The following THSD7B variants were observed in gnomAD, a reference collection of about 807,000 sequenced individuals.
The protein encoded by THSD7B is thrombospondin type 1 domain containing 7B, also known as thrombospondin type-1 domain-containing protein 7B.
In THSD7B, 138 loss-of-function variants were observed where a neutral mutation model predicts 213.6. The observed-to-expected ratio is 0.65, with a 90% CI of 0.56 to 0.74. The LOEUF (loss-of-function observed/expected upper bound fraction) is 0.74. THSD7B is among the 30% of genes least tolerant of loss of function. The pLI is 0.00. For missense variants in THSD7B, 1,931 were observed against 1,991.5 expected, an observed-to-expected ratio of 0.97 and a Z score of 0.58; for synonymous variants, 742 against 687.0, an observed-to-expected ratio of 1.08 and a Z score of -1.25.
At chr2:137,417,122 T>G (rs1254173594) in intron 14 of THSD7B, among the ~76,000 whole-genome samples, 1 of 152,198 alleles carries the variant, frequency 6.6e-6, no homozygotes, top group East Asian at 1.9e-4. Flanking sequence ...TAGGTATAGA[T>G]AGAACACAAA....
intron 15 of THSD7B, among the ~76,000 whole-genome samples, chr2:137,459,575 G>T (rs1052460061): frequency 2.0e-5 from 3 of 151,976 alleles, no homozygotes; most frequent in Non-Finnish European, 4.4e-5. Context: ...TGAGGCAGGA[G>T]AATTGCTTGA....
chr2:137,187,735 G>T (rs1486540103), intron 7 of THSD7B, among the ~76,000 whole-genome samples: 3 of 152,086 alleles, frequency 2.0e-5, no homozygotes, highest in Non-Finnish European at 4.4e-5. Context: ...CATTATCTTT[G>T]GTGGTTAGAT....
rs369261629 is a variant in THSD7B, at chr2:137,130,624, T to C, written c.1369+15331T>C. Among the ~76,000 whole-genome samples, 9 of 149,854 alleles carry C rather than the reference T, an allele frequency of 6.0e-5. No individual in the cohort carries two copies. In the East Asian group the frequency reaches 6.0e-4, roughly 10 times the overall value. On this transcript the variant is annotated intron_variant, in intron 5 of 27. Transcript: ENST00000409968. ...ATTCCCACCTGTGAGTGAGAACATG[T>C]GGTGTTTGGTTTTTTGTCCTTGAGA...
chr2:136,921,053 G>A (rs1399396338), intron 2 of THSD7B, among the ~76,000 whole-genome samples: 1 of 151,982 alleles, frequency 6.6e-6, no homozygotes, highest in African/African-American at 2.4e-5. Context: ...ACCCGGGAGT[G>A]CGGCCTTCTG....
intron 17 of THSD7B, among the ~76,000 whole-genome samples, chr2:137,574,257 G>A (rs1681415053): frequency 6.6e-6 from 1 of 151,990 alleles, no homozygotes; most frequent in Admixed American, 6.6e-5. Context: ...TTCTGTGTTT[G>A]CTTCTTTTGG....
rs556918881 is a variant in THSD7B, at chr2:137,646,835, C to T, written c.3945+4202C>T. 2.6e-5 allele frequency among the ~76,000 whole-genome samples: 4 copies of T among 152,028 alleles called. No homozygotes were observed. The East Asian group carries it at 7.7e-4, about 29-fold the overall frequency. On this transcript the variant is annotated intron_variant, in intron 21 of 27. Transcript: ENST00000409968. ...ATCTTAGATAAATAAATCATAATTC[C>T]TCTGAACACTTCTTTAAAAGAGGGT...
chr2:136,927,851 C>T (rs963017840), intron 2 of THSD7B, among the ~76,000 whole-genome samples: 9 of 152,182 alleles, frequency 5.9e-5, no homozygotes, highest in African/African-American at 9.7e-5. Context: ...GTTGTTTCTG[C>T]TTCCTAACGG....
intron 15 of THSD7B, among the ~76,000 whole-genome samples, chr2:137,475,563 T>G (rs1287227672): frequency 6.6e-6 from 1 of 152,208 alleles, no homozygotes; most frequent in Non-Finnish European, 1.5e-5. Flanking sequence ...ATCCCACATA[T>G]GAGTAAGAAC....
intron 15 of THSD7B, among the ~76,000 whole-genome samples, chr2:137,537,379 C>A (rs1383288718): frequency 6.6e-6 from 1 of 151,638 alleles, no homozygotes; most frequent in Non-Finnish European, 1.5e-5. Context: ...ACGTATTCTT[C>A]TTTTAATTAG....
At chr2:136,979,496 AT>A (rs1685539595) in intron 2 of THSD7B, among the ~76,000 whole-genome samples, 1 of 151,486 alleles carries the variant, frequency 6.6e-6, no homozygotes, top group Non-Finnish European at 1.5e-5. Context: ...ATTTCTTTTT[AT>A]TCTTTTTCTC....
chr2:137,075,415 G>A (rs990773060), intron 3 of THSD7B, among the ~76,000 whole-genome samples: 2 of 152,048 alleles, frequency 1.3e-5, no homozygotes, highest in Non-Finnish European at 2.9e-5. Flanking sequence ...TGTAGCTCTC[G>A]TGCCTTGGTT....
chr2:137,574,693 G>T (rs1681422892), intron 17 of THSD7B, among the ~76,000 whole-genome samples: 1 of 151,954 alleles, frequency 6.6e-6, no homozygotes, highest in Non-Finnish European at 1.5e-5. Flanking sequence ...ATGGTAATTA[G>T]GGCTCATACC....
At chr2:137,104,976 G>A (rs188532030) in intron 4 of THSD7B, among the ~76,000 whole-genome samples, 266 of 152,214 alleles carry the variant, frequency 1.7e-3, no homozygotes, top group African/African-American at 6.0e-3. Flanking sequence ...TTCTACCAGA[G>A]GTTCAAAGAG....
chr2:137,080,250 G>C (rs1687717743), intron 3 of THSD7B, among the ~76,000 whole-genome samples: 1 of 151,846 alleles, frequency 6.6e-6, no homozygotes, highest in South Asian at 2.1e-4. Flanking sequence ...ACCCAGGCTG[G>C]GGTGCAGTGG....
intron 5 of THSD7B, among the ~76,000 whole-genome samples, chr2:137,120,761 G>A (rs554339979): frequency 7.9e-5 from 12 of 152,168 alleles, no homozygotes; most frequent in South Asian, 6.2e-4. Context: ...AATAGTTAGC[G>A]TGTCACGCTA....
intron 27 of THSD7B, among the ~76,000 whole-genome samples, chr2:137,674,284 CTCT>C (rs35305474): frequency 0.64 from 96,342 of 151,660 alleles, 31,159 homozygotes; most frequent in South Asian, 0.74. Context: ...TCTTACCCCT[CTCT>C]TCTTCTTTGC....
At chr2:136,923,888 T>C (rs1470783602) in intron 2 of THSD7B, among the ~76,000 whole-genome samples, 1 of 152,192 alleles carries the variant, frequency 6.6e-6, no homozygotes, top group African/African-American at 2.4e-5. Flanking sequence ...ACATATTTTC[T>C]CTCATTCTGC....
At chr2:137,453,394 A>G (rs750326483) in intron 15 of THSD7B, among the ~76,000 whole-genome samples, 2 of 124,342 alleles carry the variant, frequency 1.6e-5, no homozygotes, top group Non-Finnish European at 3.1e-5. Context: ...CAGTGGCATG[A>G]TCTCGGCTCA....
chr2:137,235,860 T>C (rs1681752403), intron 9 of THSD7B, among the ~76,000 whole-genome samples: 1 of 152,172 alleles, frequency 6.6e-6, no homozygotes, highest in African/African-American at 2.4e-5. Flanking sequence ...GCTAATGACT[T>C]TCTGTACTGT....
Sources: gnomAD v4.1 joint callset for allele counts (sites outside exome capture counted in the v4.1 genomes callset) on GRCh38, gnomAD v4.1.1 for gene constraint, MANE v1.5 for transcripts, NCBI Gene and HGNC (gene_info 2026-07-23, HGNC 2026-07-21) for gene names.